The following RPSA2 variants were observed in gnomAD, a reference collection of about 807,000 sequenced individuals.
The protein encoded by RPSA2 is ribosomal protein SA 2.
At chr19:23,857,491 T>G in the RPSA2 span, among the ~76,000 whole-genome samples, 1 of 109,052 alleles carries the variant, frequency 9.2e-6, no homozygotes, top group East Asian at 3.2e-4. Flanking sequence ...AAGTCTTTTT[T>G]TTTTTTTTTT....
chr19:23,830,201 G>A, the RPSA2 span, among the ~76,000 whole-genome samples: 1 of 152,128 alleles, frequency 6.6e-6, no homozygotes, highest in Non-Finnish European at 1.5e-5. Context: ...CTGGAGCATA[G>A]TGGTATGACT....
At chr19:23,866,294 G>A in the RPSA2 span, among the ~76,000 whole-genome samples, 4 of 152,324 alleles carry the variant, frequency 2.6e-5, no homozygotes, top group South Asian at 8.3e-4. Context: ...GATCACTCAT[G>A]CCTCTGCTGC....
the RPSA2 span, among the ~76,000 whole-genome samples, chr19:23,813,667 G>T: frequency 2.7e-5 from 4 of 150,490 alleles, no homozygotes; most frequent in African/African-American, 9.8e-5. Flanking sequence ...ATTATAAGAA[G>T]TACATTTATA....
At chr19:23,816,345 A>AGGCT in the RPSA2 span, among the ~76,000 whole-genome samples, 1 of 152,158 alleles carries the variant, frequency 6.6e-6, no homozygotes. Context: ...CACACTGTCA[A>AGGCT]GGCTGTTCTC....
chr19:23,827,203 T>C, the RPSA2 span: 1 of 953,098 alleles, frequency 1.0e-6, no homozygotes, highest in Non-Finnish European at 1.6e-6. Context: ...AGGAGGAGGA[T>C]GTCCTTAAGT....
the RPSA2 span, among the ~76,000 whole-genome samples, chr19:23,855,652 T>A: frequency 3.9e-5 from 6 of 151,918 alleles, no homozygotes; most frequent in Admixed American, 6.6e-5. Flanking sequence ...GAAGTCAGAC[T>A]GGTATGAGAG....
chr19:23,831,787 T>A, the RPSA2 span: 1 of 291,612 alleles, frequency 3.4e-6, no homozygotes, highest in Non-Finnish European at 7.2e-6. Context: ...GTTTCACAAC[T>A]ACTCAGAGCA....
chr19:23,846,078 C>T, the RPSA2 span, among the ~76,000 whole-genome samples: 3 of 152,040 alleles, frequency 2.0e-5, no homozygotes, highest in Admixed American at 6.5e-5. Context: ...GTGTCCATCT[C>T]TTTCTATAGG....
chr19:23,856,016 T>A, the RPSA2 span, among the ~76,000 whole-genome samples: 1 of 151,998 alleles, frequency 6.6e-6, no homozygotes, highest in Admixed American at 6.6e-5. Flanking sequence ...GGGGGTGACA[T>A]TAAGCCAAAG....
At chr19:23,858,490 G>C in the RPSA2 span, among the ~76,000 whole-genome samples, 89 of 152,300 alleles carry the variant, frequency 5.8e-4, no homozygotes, top group Non-Finnish European at 1.1e-3. Flanking sequence ...GACATTAACT[G>C]TTGTAGATAC....
At chr19:23,781,797 CT>C in the RPSA2 span, among the ~76,000 whole-genome samples, 2 of 152,308 alleles carry the variant, frequency 1.3e-5, no homozygotes, top group Admixed American at 1.3e-4. Context: ...ATCACAAGAC[CT>C]TTCTACAAAT....
chr19:23,797,389 T>C, the RPSA2 span, among the ~76,000 whole-genome samples: 1 of 152,232 alleles, frequency 6.6e-6, no homozygotes, highest in Non-Finnish European at 1.5e-5. Flanking sequence ...ATTACAGGCA[T>C]GAGCCACCAT....
At chr19:23,813,659 T>C in the RPSA2 span, among the ~76,000 whole-genome samples, 2 of 151,790 alleles carry the variant, frequency 1.3e-5, no homozygotes, top group Admixed American at 6.6e-5. Flanking sequence ...TATTTTTAAT[T>C]ATAAGAAGTA....
At chr19:23,829,747 T>C in the RPSA2 span, among the ~76,000 whole-genome samples, 1 of 152,246 alleles carries the variant, frequency 6.6e-6, no homozygotes, top group Non-Finnish European at 1.5e-5. Context: ...AAATTTGTCA[T>C]TGATGTTGCT....
chr19:23,788,269 C>G, the RPSA2 span, among the ~76,000 whole-genome samples: 1 of 152,004 alleles, frequency 6.6e-6, no homozygotes, highest in Non-Finnish European at 1.5e-5. Context: ...TCATTTTCTT[C>G]CTGAGCCCTA....
At chr19:23,847,957 GCAGT>G in the RPSA2 span, among the ~76,000 whole-genome samples, 2 of 152,126 alleles carry the variant, frequency 1.3e-5, no homozygotes, top group Admixed American at 1.3e-4. Context: ...GACCCCGCAG[GCAGT>G]CAGACCTTAT....
the RPSA2 span, among the ~76,000 whole-genome samples, chr19:23,838,505 T>G: frequency 6.6e-6 from 1 of 152,194 alleles, no homozygotes; most frequent in African/African-American, 2.4e-5. Flanking sequence ...ACCACTTCTT[T>G]GAATTTCTGG....
the RPSA2 span, among the ~76,000 whole-genome samples, chr19:23,761,921 T>TCTCTCTCTCTCTCTCTCTCTCTCTC: frequency 5.3e-5 from 4 of 76,138 alleles, no homozygotes; most frequent in Non-Finnish European, 1.0e-4. Flanking sequence ...TCTTTCTTTC[T>TCTCTCTCTCTCTCTCTCTCTCTCTC]TTTTTTTTTT....
chr19:23,764,635 G>A, the RPSA2 span, among the ~76,000 whole-genome samples: 2 of 151,856 alleles, frequency 1.3e-5, no homozygotes, highest in African/African-American at 2.4e-5. Context: ...TGCCACCACT[G>A]TGCCCTGCTA....
Sources: allele counts gnomAD v4.1 joint callset (sites outside exome capture counted in the v4.1 genomes callset), GRCh38; gene constraint gnomAD v4.1.1; transcripts MANE v1.5; gene names NCBI Gene and HGNC (gene_info 2026-07-23, HGNC 2026-07-21).